Variants in SCEL observed in about 807,000 individuals in gnomAD.
The protein encoded by SCEL is sciellin.
A neutral mutation model predicts 117.6 loss-of-function variants in SCEL; 113 were observed. That is an observed-to-expected ratio of 0.96 (90% CI 0.83 to 1.12). SCEL has a LOEUF of 1.12. SCEL is among the 50% of genes most tolerant of loss of function. SCEL has a pLI of 0.00. For missense variants in SCEL, 785 were observed against 810.8 expected, an observed-to-expected ratio of 0.97 and a Z score of 0.39; for synonymous variants, 270 against 256.2, an observed-to-expected ratio of 1.05 and a Z score of -0.51.
chr13:77,604,896 T>G (rs1594096286), intron 19 of SCEL, among the ~76,000 whole-genome samples: 1 of 152,220 alleles, frequency 6.6e-6, no homozygotes, highest in East Asian at 1.9e-4. Flanking sequence ...TGTGTGCGTA[T>G]GTATAAATGC....
chr13:77,560,641 A>G (rs891410779), intron 4 of SCEL, among the ~76,000 whole-genome samples: 2 of 152,240 alleles, frequency 1.3e-5, no homozygotes, highest in African/African-American at 4.8e-5. Context: ...AATTAGTAGA[A>G]AAATTAAGAC....
At chr13:77,637,428 A>G (rs1375951329) in intron 30 of SCEL, among the ~76,000 whole-genome samples, 1 of 148,240 alleles carries the variant, frequency 6.7e-6, no homozygotes, top group Admixed American at 6.8e-5. Flanking sequence ...ATATATATAT[A>G]TATTTCTTGC....
intron 30 of SCEL, among the ~76,000 whole-genome samples, chr13:77,638,744 C>T (rs2090422656): frequency 6.6e-6 from 1 of 152,122 alleles, no homozygotes; most frequent in South Asian, 2.1e-4. Flanking sequence ...ACATCTTTTG[C>T]ACATTCTCCA....
At chr13:77,571,352 G>A (rs1488347760) in intron 8 of SCEL, among the ~76,000 whole-genome samples, 1 of 136,632 alleles carries the variant, frequency 7.3e-6, no homozygotes, top group Non-Finnish European at 1.5e-5. Context: ...CTGCACTCCA[G>A]CCTGGGAGAC....
intron 14 of SCEL, 139 bp downstream of exon 14, chr13:77,599,527 C>T (rs2087496791): frequency 1.2e-6 from 1 of 868,948 alleles, no homozygotes; most frequent in Non-Finnish European, 1.9e-6. Context: ...CAGCATTGTA[C>T]ATTTAGTTCA....
intron 13 of SCEL, among the ~76,000 whole-genome samples, chr13:77,598,898 T>A (rs1003373335): frequency 1.3e-5 from 2 of 152,148 alleles, no homozygotes; most frequent in Admixed American, 6.5e-5. Flanking sequence ...CCCAGGTTGG[T>A]CTCGGGCTCC....
chr13:77,536,944 A>C (rs900273827), intron 1 of SCEL, among the ~76,000 whole-genome samples: 20 of 152,256 alleles, frequency 1.3e-4, no homozygotes, highest in Non-Finnish European at 1.9e-4. Flanking sequence ...AAAGTGTAGC[A>C]AGTGTGGATA....
chr13:77,546,778 T>C (rs2154394616), intron 1 of SCEL, among the ~76,000 whole-genome samples: 1 of 152,252 alleles, frequency 6.6e-6, no homozygotes, highest in Non-Finnish European at 1.5e-5. Flanking sequence ...TACAGGGCTA[T>C]TGTGGCAACT....
At chr13:77,553,260 T>G (rs910127948) in intron 1 of SCEL, among the ~76,000 whole-genome samples, 3 of 151,814 alleles carry the variant, frequency 2.0e-5, no homozygotes, top group East Asian at 1.9e-4. Context: ...TCTTGGGAGG[T>G]ACAGAAAAAT....
At chr13:77,642,301 GTCAGCCAA>G (rs2090594001) in intron 31 of SCEL, among the ~76,000 whole-genome samples, 1 of 152,094 alleles carries the variant, frequency 6.6e-6, no homozygotes, top group Non-Finnish European at 1.5e-5. Flanking sequence ...ATGCTTTAAG[GTCAGCCAA>G]TCAGCAGTGG....
intron 31 of SCEL, among the ~76,000 whole-genome samples, chr13:77,641,410 C>G (rs1567454630): frequency 2.0e-5 from 3 of 152,126 alleles, no homozygotes; most frequent in Admixed American, 1.3e-4. Context: ...ATCTAAAGAC[C>G]TGAGTTCTAG....
At position 77,608,133 on chromosome 13, in the gene SCEL, C is replaced by G. The variant is rs757742576; in HGVS notation, c.1217+18C>G. The G allele has an allele frequency of 2.5e-6, 4 of 1,580,534 alleles. No individual in the cohort carries two copies. The highest frequency in any genetic ancestry group is 3.5e-6 in the Non-Finnish European group (4 of 1,156,290). On this transcript the variant is annotated intron_variant, in intron 20 of 32. Transcript: ENST00000349847. The stretch of plus-strand genomic sequence containing the variant: ...AACCAAGGGTGAGGACTATGTCTTA[C>G]CTCTCTTCCTTCCCCTTCCCCATCC...
At chr13:77,540,688 G>A (rs565608596) in intron 1 of SCEL, among the ~76,000 whole-genome samples, 1 of 152,364 alleles carries the variant, frequency 6.6e-6, no homozygotes, top group African/African-American at 2.4e-5. Context: ...AGGAGTTGCT[G>A]TGGCTGAAGC....
At position 77,640,728 on chromosome 13, in the gene SCEL, G is replaced by C. The variant is rs374974964; in HGVS notation, c.1891G>C (p.Glu631Gln). ...CTYCRKPLGV[E>Q]TKMILDELQI... ...TTACTGCCGAAAACCCTTGGGTGTA[G>C]AAACTAAAATGATTTTAGATGAATT... The change falls in exon 31 of 33, where the codon GAA becomes CAA. Residue 631 changes from glutamate to glutamine, a missense_variant. By Grantham distance (29) the Glu-to-Gln change is conservative. Transcript: ENST00000349847. 2.0e-5 allele frequency: 32 copies of C among 1,607,794 alleles called. No individual in the cohort carries two copies. Among genetic ancestry groups the C allele is most frequent in the Non-Finnish European group, 2.7e-5 (32 of 1,175,952 alleles).
chr13:77,541,389 A>G (rs1397305294), intron 1 of SCEL, among the ~76,000 whole-genome samples: 2 of 152,202 alleles, frequency 1.3e-5, no homozygotes, highest in African/African-American at 4.8e-5. Flanking sequence ...TGGATGATAA[A>G]CTACTATAAG....
intron 24 of SCEL, 85 bp downstream of exon 24, chr13:77,614,040 A>C (rs930192573): frequency 4.6e-6 from 5 of 1,092,750 alleles, no homozygotes; most frequent in East Asian, 4.7e-5. Context: ...TTCTATGGGC[A>C]AATTGAATAT....
Position 77,633,442 on chromosome 13 carries a change from C to CAAAAAAAAAAAAAAA in SCEL, c.1692-927_1692-913dup, listed in dbSNP as rs59939208. ...TGGGCGACAGAGCGAGACTCCGCCTCAAAAAAAAAAAAAAAAAAAAAAAAG... is the reference window on the plus strand; with the variant it reads ...TGGGCGACAGAGCGAGACTCCGCCTCAAAAAAAAAAAAAAAAAAAAAAAAAAAAAAAAAAAAAAAG... On this transcript the variant is annotated intron_variant, in intron 28 of 32. Coordinates refer to ENST00000349847, the MANE Select transcript of SCEL (RefSeq NM_144777.3). Among the ~76,000 whole-genome samples the CAAAAAAAAAAAAAAA allele has an allele frequency of 4.5e-3, 135 of 29,956 alleles. 1 individual carries two copies. Among genetic ancestry groups the CAAAAAAAAAAAAAAA allele is most frequent in the South Asian group, 6.8e-3 (3 of 440 alleles). 19.7% of individuals were successfully genotyped at this position (29,956 alleles called of 152,430 possible). A position where few individuals can be genotyped will look rare whatever the true frequency, so the allele number is the denominator to read the frequency against.
chr13:77,642,492 TTTTG>T (rs1387281947), intron 31 of SCEL, among the ~76,000 whole-genome samples: 3 of 152,314 alleles, frequency 2.0e-5, no homozygotes, highest in South Asian at 2.1e-4. Context: ...CTTTGTGTTT[TTTTG>T]TTTGTTTGTT....
intron 24 of SCEL, among the ~76,000 whole-genome samples, chr13:77,616,014 G>T (rs1393449686): frequency 2.1e-5 from 3 of 143,016 alleles, no homozygotes; most frequent in African/African-American, 7.5e-5. Context: ...CTGTGTGTGT[G>T]TGTGTGTGTG....
Sources: allele counts gnomAD v4.1 joint callset (sites outside exome capture counted in the v4.1 genomes callset), GRCh38; gene constraint gnomAD v4.1.1; transcripts MANE v1.5; gene names NCBI Gene and HGNC (gene_info 2026-07-23, HGNC 2026-07-21).